The following DRC9 variants were observed in gnomAD, a reference collection of about 807,000 sequenced individuals.
DRC9 encodes the protein dynein regulatory complex protein 9.
At chr3:197,947,980 T>C in the DRC9 span, among the ~76,000 whole-genome samples, 1 of 143,488 alleles carries the variant, frequency 7.0e-6, no homozygotes, top group Non-Finnish European at 1.5e-5. Context: ...TCACCAAGGC[T>C]GGAGTGCAGT....
chr3:197,940,067 C>T, the DRC9 span, among the ~76,000 whole-genome samples: 1 of 152,132 alleles, frequency 6.6e-6, no homozygotes, highest in Non-Finnish European at 1.5e-5. Context: ...CATCTCCACT[C>T]ACTGCAACCT....
At chr3:197,891,508 C>T in the DRC9 span, 1 of 1,604,870 alleles carries the variant, frequency 6.2e-7, no homozygotes, top group Non-Finnish European at 8.5e-7. Flanking sequence ...CTCTCCTTTT[C>T]TATACGATCT....
the DRC9 span, among the ~76,000 whole-genome samples, chr3:197,945,366 C>T: frequency 6.6e-6 from 1 of 152,184 alleles, no homozygotes; most frequent in African/African-American, 2.4e-5. Flanking sequence ...CTGCAGCCCC[C>T]ATCAAGTGTT....
chr3:197,900,415 ACCAGCTCAGC>A, the DRC9 span, among the ~76,000 whole-genome samples: 11 of 152,334 alleles, frequency 7.2e-5, no homozygotes, highest in East Asian at 2.1e-3. The surrounding 1 kb of genome is among the most constrained non-coding windows in gnomAD (Gnocchi z 4.7). Flanking sequence ...CATCTTGGAT[ACCAGCTCAGC>A]CACAGCAGAA....
At chr3:197,905,896 A>G in the DRC9 span, among the ~76,000 whole-genome samples, 4 of 152,140 alleles carry the variant, frequency 2.6e-5, no homozygotes, top group East Asian at 3.8e-4. Context: ...AAAAAAATCC[A>G]TCTCAAAATT....
the DRC9 span, chr3:197,913,511 G>A: frequency 2.1e-5 from 8 of 380,660 alleles, no homozygotes; most frequent in African/African-American, 4.1e-5. Context: ...GGAGTGAAAG[G>A]TACTGGTTAG....
chr3:197,897,068 G>T, the DRC9 span, among the ~76,000 whole-genome samples: 19 of 151,946 alleles, frequency 1.3e-4, no homozygotes. Context: ...AAAAAGGAAA[G>T]AAGACACATC....
At chr3:197,942,315 C>T in the DRC9 span, among the ~76,000 whole-genome samples, 7 of 130,708 alleles carry the variant, frequency 5.4e-5, no homozygotes, top group East Asian at 2.6e-4. Flanking sequence ...ACCCGGGAGG[C>T]GGAGCTTGCA....
chr3:197,918,951 G>A, the DRC9 span, among the ~76,000 whole-genome samples: 1 of 152,128 alleles, frequency 6.6e-6, no homozygotes, highest in Admixed American at 6.6e-5. Context: ...TGGGATTACA[G>A]GCACCTGCCA....
chr3:197,893,688 A>C, the DRC9 span, among the ~76,000 whole-genome samples: 1 of 87,506 alleles, frequency 1.1e-5, no homozygotes, highest in East Asian at 3.2e-4. Context: ...CTAAAACTAC[A>C]AAAAAAAAAA....
At chr3:197,909,676 T>G in the DRC9 span, among the ~76,000 whole-genome samples, 3 of 152,186 alleles carry the variant, frequency 2.0e-5, no homozygotes, top group Middle Eastern at 3.2e-3. Context: ...ACACTATATA[T>G]AGCATGATCC....
the DRC9 span, among the ~76,000 whole-genome samples, chr3:197,904,888 A>G: frequency 6.6e-6 from 1 of 152,220 alleles, no homozygotes; most frequent in Admixed American, 6.5e-5. Context: ...GGGACATATA[A>G]ACAATGGCGT....
the DRC9 span, among the ~76,000 whole-genome samples, chr3:197,896,270 G>C: frequency 6.6e-6 from 1 of 151,896 alleles, no homozygotes; most frequent in Non-Finnish European, 1.5e-5. Flanking sequence ...TTGAACCCAG[G>C]AGGCGGAGGT....
the DRC9 span, among the ~76,000 whole-genome samples, chr3:197,951,816 G>GCCT: frequency 6.6e-6 from 1 of 151,876 alleles, no homozygotes; most frequent in African/African-American, 2.4e-5. Flanking sequence ...TCCTGCCTCA[G>GCCT]CCTCCTGAGT....
the DRC9 span, among the ~76,000 whole-genome samples, chr3:197,931,636 C>A: frequency 2.0e-5 from 3 of 151,264 alleles, no homozygotes; most frequent in Non-Finnish European, 4.4e-5. Flanking sequence ...GAGATGGAGT[C>A]TTGCTCTGTC....
At chr3:197,950,649 C>T in the DRC9 span, 3 of 486,364 alleles carry the variant, frequency 6.2e-6, no homozygotes, top group South Asian at 7.8e-5. Flanking sequence ...GTGTTGCCTA[C>T]TGATAACGGC....
chr3:197,893,842 C>T, the DRC9 span, among the ~76,000 whole-genome samples: 13,880 of 150,514 alleles, frequency 0.092, 708 homozygotes, highest in African/African-American at 0.11. Context: ...AGTGAGACTC[C>T]GTCTCAAAAA....
chr3:197,942,385 CAAAAAAAAAAAA>C, the DRC9 span, among the ~76,000 whole-genome samples: 11 of 17,052 alleles, frequency 6.5e-4, no homozygotes, highest in African/African-American at 9.1e-4. Flanking sequence ...CTCCGTCTCA[CAAAAAAAAAAAA>C]AAAAAAAAAA....
At chr3:197,922,629 T>G in the DRC9 span, among the ~76,000 whole-genome samples, 5 of 151,828 alleles carry the variant, frequency 3.3e-5, no homozygotes, top group Non-Finnish European at 7.4e-5. Context: ...TCGCTTGAAC[T>G]CGAGAGACGG....
Sources: allele counts gnomAD v4.1 joint callset (sites outside exome capture counted in the v4.1 genomes callset), GRCh38; gene constraint gnomAD v4.1.1; non-coding constraint Gnocchi (gnomAD v3.1); transcripts MANE v1.5; gene names NCBI Gene and HGNC (gene_info 2026-07-23, HGNC 2026-07-21).